DHRSX: variants seen among roughly 807,000 people sequenced by gnomAD.
The protein encoded by DHRSX is dehydrogenase/reductase X-linked, also known as polyprenol dehydrogenase.
In DHRSX, 31 loss-of-function variants were observed where a neutral mutation model predicts 34.0. The ratio of observed to expected loss-of-function variants is 0.91; its 90% CI spans 0.69 to 1.23. DHRSX has a LOEUF of 1.23. Ranked by LOEUF, DHRSX falls within the 50% of genes most tolerant of loss-of-function variation. The pLI is 0.00. For missense variants in DHRSX, 414 were observed against 428.1 expected (o/e 0.97, Z 0.29); for synonymous variants, 201 against 183.8 (o/e 1.09, Z -0.76).
chrX:2,425,212 T>C lies in DHRSX; in HGVS notation c.202A>G (p.Met68Val), dbSNP rs371831440. Residue 68 changes from methionine (M) to valine (V), a missense_variant, in exon 2 of 7, where the codon ATG becomes GTG. Coordinates refer to ENST00000334651, the MANE Select transcript of DHRSX (RefSeq NM_145177.3). The part of the protein sequence containing the change: ...STAKHLARLG[M>V]HVIIAGNNDS... ...AAGTCATCACCTATGATAACATGCATGCCAAGTCTCGCCAGATGCTTCGCT... is the reference window on the plus strand; with the variant it reads ...AAGTCATCACCTATGATAACATGCACGCCAAGTCTCGCCAGATGCTTCGCT... 8.9e-5 allele frequency: 143 copies of C among 1,613,060 alleles called. No homozygotes were observed. Among genetic ancestry groups the C allele is most frequent in the Non-Finnish European group, 1.1e-4 (134 of 1,179,570 alleles).
chrX:2,236,120 AAAAT>A (rs1377730100), intron 6 of DHRSX, among the ~76,000 whole-genome samples: 1 of 152,144 alleles, frequency 6.6e-6, no homozygotes, highest in African/African-American at 2.4e-5. Context: ...TCAAAGAAAA[AAAAT>A]AAATAAATAA....
intron 3 of DHRSX, chrX:2,334,165 G>A (rs1468283351): frequency 6.2e-5 from 3 of 48,776 alleles, no homozygotes; most frequent in Non-Finnish European, 1.4e-4. Context: ...TAACTCAAAA[G>A]TATGCTTTTT....
At chrX:2,322,131 T>TC (rs1329969499) in intron 3 of DHRSX, among the ~76,000 whole-genome samples, 2 of 139,954 alleles carry the variant, frequency 1.4e-5, no homozygotes, top group African/African-American at 2.6e-5. Flanking sequence ...CTCCCACTCT[T>TC]CCCCCCCAAG....
intron 6 of DHRSX, among the ~76,000 whole-genome samples, chrX:2,232,003 CTCCT>C (rs1466908061): frequency 2.7e-5 from 4 of 148,204 alleles, no homozygotes; most frequent in South Asian, 2.1e-4. Context: ...CTTTTTCCTC[CTCCT>C]TCATCTTCTC....
At chrX:2,254,541 A>C (rs2041249330) in intron 5 of DHRSX, among the ~76,000 whole-genome samples, 1 of 152,192 alleles carries the variant, frequency 6.6e-6, no homozygotes, top group East Asian at 1.9e-4. Flanking sequence ...TCTTTCTAGG[A>C]TATCTACGCT....
At chrX:2,395,013 G>A (rs2043392477) in intron 3 of DHRSX, among the ~76,000 whole-genome samples, 1 of 152,090 alleles carries the variant, frequency 6.6e-6, no homozygotes, top group Non-Finnish European at 1.5e-5. Context: ...TACAGGTGAT[G>A]GGGAGAGGTT....
At chrX:2,284,461 CAG>C (rs1491454212) in intron 4 of DHRSX, among the ~76,000 whole-genome samples, 2 of 146,070 alleles carry the variant, frequency 1.4e-5, no homozygotes, top group Non-Finnish European at 3.1e-5. Flanking sequence ...TACCAAAAAA[CAG>C]AGTCTTTAGG....
intron 5 of DHRSX, among the ~76,000 whole-genome samples, chrX:2,243,513 TC>T (rs1280883459): frequency 1.3e-5 from 2 of 151,684 alleles, no homozygotes; most frequent in Admixed American, 6.6e-5. Flanking sequence ...GGAGACAGAG[TC>T]CCCCCTCTGT....
At chrX:2,413,655 T>A (rs2043658752) in intron 2 of DHRSX, among the ~76,000 whole-genome samples, 1 of 152,210 alleles carries the variant, frequency 6.6e-6, no homozygotes, top group Admixed American at 6.6e-5. Flanking sequence ...AAAGTATATG[T>A]GGCACAAGTC....
At chrX:2,358,582 G>C (rs2042887358) in intron 3 of DHRSX, among the ~76,000 whole-genome samples, 1 of 152,064 alleles carries the variant, frequency 6.6e-6, no homozygotes, top group African/African-American at 2.4e-5. Context: ...TTGAGGGCTT[G>C]ATATGTGGGA....
intron 1 of DHRSX, among the ~76,000 whole-genome samples, chrX:2,455,677 G>A (rs1210445054): frequency 6.9e-6 from 1 of 145,706 alleles, no homozygotes; most frequent in Admixed American, 7.1e-5. Context: ...GGAGACGGAG[G>A]TTGCAGTGAG....
At chrX:2,265,024 C>T (rs948092175) in intron 5 of DHRSX, among the ~76,000 whole-genome samples, 2 of 151,080 alleles carry the variant, frequency 1.3e-5, no homozygotes, top group Non-Finnish European at 3.0e-5. Flanking sequence ...GAGCACTGTC[C>T]CCAGAGCACC....
At chrX:2,344,906 T>TGC (rs2042684533) in intron 3 of DHRSX, among the ~76,000 whole-genome samples, 1 of 106,102 alleles carries the variant, frequency 9.4e-6, no homozygotes, top group African/African-American at 3.2e-5. Flanking sequence ...TATATATATA[T>TGC]ATATATATAC....
intron 3 of DHRSX, among the ~76,000 whole-genome samples, chrX:2,379,028 G>T (rs2043174277): frequency 6.6e-6 from 1 of 152,092 alleles, no homozygotes; most frequent in Non-Finnish European, 1.5e-5. Context: ...GTGCAATAAT[G>T]ACCTGCCTCA....
intron 6 of DHRSX, among the ~76,000 whole-genome samples, chrX:2,238,461 A>C (rs987342198): frequency 2.0e-5 from 3 of 152,144 alleles, no homozygotes; most frequent in Non-Finnish European, 4.4e-5. Context: ...GATGAGACAG[A>C]GGATAGAGGT....
chrX:2,478,540 C>A (rs1307208774), intron 1 of DHRSX, among the ~76,000 whole-genome samples: 1 of 80,950 alleles, frequency 1.2e-5, no homozygotes, highest in Non-Finnish European at 2.7e-5. Flanking sequence ...AAGGGACCAC[C>A]AGTGTGTACA....
intron 1 of DHRSX, among the ~76,000 whole-genome samples, chrX:2,464,992 C>T (rs1196116547): frequency 6.6e-6 from 1 of 151,466 alleles, no homozygotes; most frequent in Non-Finnish European, 1.5e-5. Flanking sequence ...GGGACCCCCG[C>T]CATGTACACA....
intron 3 of DHRSX, among the ~76,000 whole-genome samples, chrX:2,393,188 A>G (rs2043356157): frequency 6.7e-6 from 1 of 149,848 alleles, no homozygotes; most frequent in Non-Finnish European, 1.5e-5. Context: ...AAATATTAAT[A>G]TAGATCAAAT....
chrX:2,474,774 G>A lies in DHRSX; in HGVS notation c.109+26043C>T, dbSNP rs1245971199. On this transcript the variant is annotated intron_variant, in intron 1 of 6. Coordinates refer to ENST00000334651, the MANE Select transcript of DHRSX (RefSeq NM_145177.3). ...GCAGCTAAAAGATGGCACTGAAGAC[G>A]TTCCCTAAGCATGTGGCCAAGAGAC... 6.0e-5 allele frequency among the ~76,000 whole-genome samples: 9 copies of A among 150,090 alleles called. 1 individual carries two copies. The East Asian group carries it at 8.0e-4, about 13-fold the overall frequency.
Sources: gnomAD v4.1 joint callset for allele counts (sites outside exome capture counted in the v4.1 genomes callset) on GRCh38, gnomAD v4.1.1 for gene constraint, MANE v1.5 for transcripts, NCBI Gene and HGNC (gene_info 2026-07-23, HGNC 2026-07-21) for gene names.